MMS22L: variants seen among roughly 807,000 people sequenced by gnomAD.
MMS22L encodes the protein protein MMS22-like.
In MMS22L, 74 loss-of-function variants were observed where a neutral mutation model predicts 159.1. That is an observed-to-expected ratio of 0.47 (90% CI 0.39 to 0.56). The LOEUF (loss-of-function observed/expected upper bound fraction) is 0.56. Among genes scored for constraint, MMS22L ranks in the 20% least tolerant of loss-of-function variants. The pLI, the probability that MMS22L is intolerant of heterozygous loss-of-function variation, is 0.00. For missense variants in MMS22L, 1,351 were observed against 1,422.1 expected (o/e 0.95, Z 0.80); for synonymous variants, 517 against 506.9 (o/e 1.02, Z -0.27).
Position 97,231,658 on chromosome 6 carries a change from AGGG to A in MMS22L, c.1303-9_1303-7del. On this transcript the variant is annotated splice_polypyrimidine_tract_variant and splice_region_variant and intron_variant, in intron 12 of 24. Coordinates refer to ENST00000683635, the MANE Select transcript of MMS22L (RefSeq NM_001350599.2). Reference sequence around the variant, plus strand: ...GAAATACTGAAGGAACTATTCTAAAAGGGGGGAAAAAAAAGATAGAAAACAATT... The same window carrying A: ...GAAATACTGAAGGAACTATTCTAAAAGGGAAAAAAAAGATAGAAAACAATT... The A allele has an allele frequency of 6.6e-7, 1 of 1,514,250 alleles. No individual in the cohort carries two copies. Among genetic ancestry groups the A allele is most frequent in the Non-Finnish European group, 9.0e-7 (1 of 1,116,020 alleles). 93.8% of individuals were successfully genotyped at this position (1,514,250 alleles called of 1,614,324 possible). A position where few individuals can be genotyped will look rare whatever the true frequency, so the allele number is the denominator to read the frequency against.
At chr6:97,155,211 A>G (rs982361022) in intron 22 of MMS22L, among the ~76,000 whole-genome samples, 1 of 151,950 alleles carries the variant, frequency 6.6e-6, no homozygotes, top group African/African-American at 2.4e-5. Context: ...TACATCAGCA[A>G]TTTTACTTTT....
intron 11 of MMS22L, chr6:97,245,993 T>G (rs1038551773): frequency 8.4e-6 from 2 of 238,550 alleles, no homozygotes; most frequent in African/African-American, 4.6e-5. Flanking sequence ...AAAATATTAT[T>G]TATTATAATT....
At chr6:97,245,772 AAAGT>A (rs1354598862) in intron 11 of MMS22L, among the ~76,000 whole-genome samples, 5 of 151,994 alleles carry the variant, frequency 3.3e-5, no homozygotes, top group African/African-American at 1.2e-4. Context: ...GTTTCCTAAA[AAAGT>A]AAGAGTTAAT....
chr6:97,214,792 G>A (rs1038205465), intron 14 of MMS22L, among the ~76,000 whole-genome samples: 14 of 150,550 alleles, frequency 9.3e-5, no homozygotes, highest in Non-Finnish European at 1.6e-4. Flanking sequence ...CATAATCGGG[G>A]CATTTTTTAC....
At chr6:97,147,945 T>C (rs920992637) in intron 24 of MMS22L, among the ~76,000 whole-genome samples, 14 of 152,214 alleles carry the variant, frequency 9.2e-5, no homozygotes, top group African/African-American at 1.9e-4. Flanking sequence ...TGTCTAAAAA[T>C]TGGAATATGC....
chr6:97,264,235 A>G (rs1256774991), intron 8 of MMS22L: 1 of 152,166 alleles, frequency 6.6e-6, no homozygotes, highest in Non-Finnish European at 1.5e-5. Flanking sequence ...GTCATCTACA[A>G]CAAAAGACTT....
intron 11 of MMS22L, among the ~76,000 whole-genome samples, chr6:97,240,097 G>T (rs565001775): frequency 6.6e-6 from 1 of 152,112 alleles, no homozygotes; most frequent in East Asian, 1.9e-4. Context: ...TCAATGGGAG[G>T]AAAATAGATA....
chr6:97,189,263 TAAAA>T (rs10707402), intron 14 of MMS22L, among the ~76,000 whole-genome samples: 1 of 139,372 alleles, frequency 7.2e-6, no homozygotes, highest in Non-Finnish European at 1.6e-5. Flanking sequence ...CCATTAGGTT[TAAAA>T]AAAAAAAAAA....
chr6:97,154,102 A>G (rs1328935678), intron 22 of MMS22L, among the ~76,000 whole-genome samples: 3 of 152,064 alleles, frequency 2.0e-5, no homozygotes, highest in South Asian at 2.1e-4. Context: ...GAGAGTTCCA[A>G]TTTCTCCACA....
At chr6:97,192,647 A>C (rs1225579876) in intron 14 of MMS22L, among the ~76,000 whole-genome samples, 1 of 152,228 alleles carries the variant, frequency 6.6e-6, no homozygotes, top group Non-Finnish European at 1.5e-5. Flanking sequence ...AGACAGACAT[A>C]CTAAAGTATA....
chr6:97,273,055 T>C lies in MMS22L; in HGVS notation c.348A>G (p.Val116=), dbSNP rs761138645. Residue 116 remains valine (V), a synonymous_variant, in exon 5 of 25, where the codon GTA becomes GTG. Transcript: ENST00000683635. ...TGTCTGCTTTGCAGTGTAGAGTTGA[T>C]ACCTTCCCTGAAACCAAAATAGACA... is the stretch of plus-strand genomic sequence containing the variant. ...LLQSSCDFGK[V]STLHCKADNI... is the part of the protein sequence containing the mutation. The C allele has an allele frequency of 6.2e-7, 1 of 1,604,110 alleles. No individual in the cohort carries two copies. Among genetic ancestry groups the C allele is most frequent in the South Asian group, 1.1e-5 (1 of 88,766 alleles).
intron 14 of MMS22L, among the ~76,000 whole-genome samples, chr6:97,222,354 G>A (rs1431280575): frequency 6.6e-6 from 1 of 151,836 alleles, no homozygotes; most frequent in African/African-American, 2.4e-5. Flanking sequence ...TTTGAAGCCA[G>A]GGAAAATAAC....
intron 10 of MMS22L, among the ~76,000 whole-genome samples, chr6:97,248,373 G>A (rs931829529): frequency 4.1e-5 from 6 of 146,582 alleles, no homozygotes; most frequent in African/African-American, 1.2e-4. Flanking sequence ...CTGAATGCCT[G>A]ATTCTCAGAA....
intron 22 of MMS22L, among the ~76,000 whole-genome samples, chr6:97,156,884 T>C (rs897268018): frequency 2.0e-5 from 3 of 152,208 alleles, no homozygotes; most frequent in Admixed American, 6.5e-5. Context: ...TTGATGGGAA[T>C]AGCATTGAAT....
intron 14 of MMS22L, among the ~76,000 whole-genome samples, chr6:97,188,713 A>G (rs897358688): frequency 1.3e-5 from 2 of 152,154 alleles, no homozygotes; most frequent in Non-Finnish European, 2.9e-5. Flanking sequence ...TCATCCCAGC[A>G]CTTTGGGAGG....
intron 4 of MMS22L, among the ~76,000 whole-genome samples, chr6:97,275,091 TA>T (rs2128097095): frequency 6.6e-6 from 1 of 152,164 alleles, no homozygotes; most frequent in South Asian, 2.1e-4. Context: ...GTTTAAGGAA[TA>T]AAAATCCAGA....
At chr6:97,259,817 T>C (rs966801552) in intron 9 of MMS22L, 1 of 152,146 alleles carries the variant, frequency 6.6e-6, no homozygotes, top group African/African-American at 2.4e-5. Flanking sequence ...CTTTTATATA[T>C]AAGAATTTAG....
Position 97,254,551 on chromosome 6 carries a change from T to C in MMS22L, c.1119+6A>G, listed in dbSNP as rs1260904541. On this transcript the variant is annotated splice_donor_region_variant and intron_variant, in intron 10 of 24. Transcript: ENST00000683635. ...ATAAGAAAGTTTTTAAAAAATGAAG[T>C]CTTACCATTTCATCTGGTACTCCAT... 3 of 1,610,438 alleles carry C rather than the reference T, an allele frequency of 1.9e-6. No individual in the cohort carries two copies. In the East Asian group the frequency reaches 6.7e-5, roughly 36 times the overall value.
chr6:97,275,170 A>G (rs1816131240), intron 4 of MMS22L, among the ~76,000 whole-genome samples: 1 of 152,262 alleles, frequency 6.6e-6, no homozygotes, highest in Non-Finnish European at 1.5e-5. Context: ...AAAGAAGCAG[A>G]AAAATATATC....
Sources: allele counts gnomAD v4.1 joint callset (sites outside exome capture counted in the v4.1 genomes callset), GRCh38; gene constraint gnomAD v4.1.1; transcripts MANE v1.5; gene names NCBI Gene and HGNC (gene_info 2026-07-23, HGNC 2026-07-21).